ACTA2: variants seen among roughly 807,000 people sequenced by gnomAD.
ACTA2 encodes the protein actin alpha 2, smooth muscle.
ACTA2 carries 12 observed loss-of-function variants against 39.5 expected under a neutral mutation model. That is an observed-to-expected ratio of 0.30 (90% confidence interval 0.19 to 0.49). The LOEUF is 0.49. Ranked by LOEUF, ACTA2 falls within the 20% of genes least tolerant of loss-of-function variation. The pLI is 0.99. For synonymous variants in ACTA2, 158 were observed against 180.6 expected, an observed-to-expected ratio of 0.88 and a Z score of 1.00; for missense variants, 236 against 498.8, an observed-to-expected ratio of 0.47 and a Z score of 5.02.
At chr10:88,947,107 A>G in intron 3 of ACTA2, 151 bp downstream of exon 3, 1 of 1,143,786 alleles carries the variant, frequency 8.7e-7, no homozygotes. Flanking sequence ...TTTTTTTTCA[A>G]TGGGTAATAA....
chr10:88,963,020 C>T (rs56778472), intron 1 of ACTA2, among the ~76,000 whole-genome samples: 1,876 of 134,906 alleles, frequency 0.014, 51 homozygotes, highest in African/African-American at 0.05. Context: ...GAAGCTGGAA[C>T]GCCCCTTTAT....
intron 1 of ACTA2, among the ~76,000 whole-genome samples, chr10:88,958,098 T>G (rs1846167214): frequency 1.3e-5 from 2 of 152,204 alleles, no homozygotes; most frequent in Non-Finnish European, 2.9e-5. Context: ...GTGCCTCCTC[T>G]GTTTATCCAT....
In ACTA2 at chr10:88,947,368, C is replaced by T; in HGVS notation, c.148G>A (p.Gly50Arg). 6.2e-7 allele frequency: 1 copy of T among 1,613,886 alleles called. No individual in the cohort carries two copies. ...TCACCCACGTAGCTGTCTTTTTGTCCCATTCCCACCATCACCCCCTAAAAA... is the reference window on the plus strand; with the variant it reads ...TCACCCACGTAGCTGTCTTTTTGTCTCATTCCCACCATCACCCCCTAAAAA... ...PRHQGVMVGM[G>R]QKDSYVGDEA... is the part of the protein sequence containing the mutation. The change falls in exon 3 of 9, where the codon GGA (glycine) becomes AGA (arginine). Residue 50 changes from glycine (G) to arginine (R), a missense_variant. Coordinates refer to ENST00000224784, the MANE Select transcript of ACTA2 (RefSeq NM_001613.4).
chr10:88,979,980 T>G (rs1846669724), intron 1 of ACTA2, among the ~76,000 whole-genome samples: 1 of 152,242 alleles, frequency 6.6e-6, no homozygotes, highest in Non-Finnish European at 1.5e-5. Context: ...GCTTGACAGA[T>G]GCAGAAAAAG....
intron 1 of ACTA2, among the ~76,000 whole-genome samples, chr10:88,962,755 A>G (rs1359009642): frequency 3.3e-5 from 5 of 151,732 alleles, no homozygotes; most frequent in Non-Finnish European, 7.4e-5. Flanking sequence ...TAATAAAGAC[A>G]TAACCTGAGA....
chr10:88,944,846 G>A (rs1266291085), intron 3 of ACTA2, among the ~76,000 whole-genome samples: 3 of 152,312 alleles, frequency 2.0e-5, no homozygotes, highest in African/African-American at 4.8e-5. Context: ...TTAAAAGCAC[G>A]AAAATTCTCC....
At chr10:88,935,516 A>C (rs1157693471) in intron 8 of ACTA2, 150 bp from the exon 9 acceptor site, 1 of 844,298 alleles carries the variant, frequency 1.2e-6, no homozygotes, top group Non-Finnish European at 1.9e-6. Flanking sequence ...TTGTGTCCTA[A>C]TTGTGTCATG....
chr10:88,945,122 C>T (rs936332485), intron 3 of ACTA2, among the ~76,000 whole-genome samples: 67 of 152,178 alleles, frequency 4.4e-4, no homozygotes, highest in African/African-American at 1.5e-3. Context: ...TTCGTCCCCA[C>T]CAGAAGATAC....
chr10:88,975,944 T>C (rs1463436088), intron 1 of ACTA2, among the ~76,000 whole-genome samples: 3 of 152,186 alleles, frequency 2.0e-5, no homozygotes, highest in Non-Finnish European at 4.4e-5. Flanking sequence ...TCCTCTTCAT[T>C]TGGCTGACAA....
At chr10:88,945,292 C>G (rs999309385) in intron 3 of ACTA2, among the ~76,000 whole-genome samples, 1 of 152,144 alleles carries the variant, frequency 6.6e-6, no homozygotes, top group Non-Finnish European at 1.5e-5. Context: ...GCAATCTTAC[C>G]AAATCTAGAA....
rs1847178203 is a variant in ACTA2 at position 88,991,186 on chromosome 10, T to TCGGAGACCACTGCGCTCCA, written c.-290_-272dup. ...GCAGGCGGGGCAGCTCCGGCGCTCC[T>TCGGAGACCACTGCGCTCCA]CGGAGACCACTGCGCTCCACGTTGA... On this transcript the variant is annotated 5_prime_UTR_variant, in exon 1 of 5. Coordinates refer to the ACTA2 transcript ENST00000415557. 4 of 574,220 alleles carry TCGGAGACCACTGCGCTCCA rather than the reference T, an allele frequency of 7.0e-6. No individual in the cohort carries two copies. The Admixed American group carries it at 1.2e-4, about 18-fold the overall frequency. 35.6% of individuals were successfully genotyped at this position (574,220 alleles called of 1,614,324 possible).
At chr10:88,947,118 C>A (rs1354569861) in intron 3 of ACTA2, 140 bp downstream of exon 3, 26 of 1,269,368 alleles carry the variant, frequency 2.0e-5, no homozygotes, top group Non-Finnish European at 2.8e-5. Flanking sequence ...TGGGTAATAA[C>A]CCAGAATGAA....
chr10:88,977,241 G>T (rs539819184), intron 1 of ACTA2, among the ~76,000 whole-genome samples: 2 of 151,684 alleles, frequency 1.3e-5, no homozygotes, highest in East Asian at 3.9e-4. Flanking sequence ...CCTTGCCCAT[G>T]CCTATGTCCT....
chr10:88,960,397 G>T (rs1371286739), intron 1 of ACTA2, among the ~76,000 whole-genome samples: 1 of 152,122 alleles, frequency 6.6e-6, no homozygotes, highest in Non-Finnish European at 1.5e-5. Flanking sequence ...CACTTATTTA[G>T]TCTAGAAACC....
chr10:88,984,123 T>C (rs555500224), intron 1 of ACTA2, among the ~76,000 whole-genome samples: 1 of 152,348 alleles, frequency 6.6e-6, no homozygotes, highest in African/African-American at 2.4e-5. Context: ...TAAGTAGTGT[T>C]CTTTGTATAG....
intron 1 of ACTA2, among the ~76,000 whole-genome samples, chr10:88,975,815 G>A (rs1287615491): frequency 6.6e-6 from 1 of 152,170 alleles, no homozygotes; most frequent in Admixed American, 6.5e-5. Context: ...CACCTCCATT[G>A]AATCTGTCCT....
intron 6 of ACTA2, chr10:88,940,145 T>C (rs1845821328): frequency 4.0e-6 from 1 of 250,614 alleles, no homozygotes; most frequent in Non-Finnish European, 7.9e-6. Context: ...TTTCAAAAAG[T>C]CTGAGATCCT....
intron 4 of ACTA2, among the ~76,000 whole-genome samples, chr10:88,943,277 G>A (rs1845888456): frequency 6.6e-6 from 1 of 152,122 alleles, no homozygotes; most frequent in African/African-American, 2.4e-5. Flanking sequence ...CTATATTTTG[G>A]ATGTTTATTA....
intron 3 of ACTA2, 32 bp from the exon 4 acceptor site, chr10:88,943,939 A>G (rs760418385): frequency 1.3e-6 from 2 of 1,591,686 alleles, no homozygotes; most frequent in East Asian, 2.2e-5. Context: ...GAGAAACACA[A>G]TGATGTGCTG....
Sources: gnomAD v4.1 joint callset for allele counts (sites outside exome capture counted in the v4.1 genomes callset) on GRCh38, gnomAD v4.1.1 for gene constraint, MANE v1.5 for transcripts, NCBI Gene and HGNC (gene_info 2026-07-23, HGNC 2026-07-21) for gene names.